RPS6KA3: variants seen among roughly 807,000 people sequenced by gnomAD.
RPS6KA3 encodes ribosomal protein S6 kinase A3, also known as ribosomal protein S6 kinase alpha-3.
Under a neutral mutation model 67.2 loss-of-function variants are expected in RPS6KA3, and 4 were observed. The ratio of observed to expected loss-of-function variants is 0.06; its 90% confidence interval spans 0.03 to 0.14. RPS6KA3 has a LOEUF of 0.14. Ranked by LOEUF, RPS6KA3 falls within the 10% of genes least tolerant of loss-of-function variation. The pLI, the probability that RPS6KA3 is intolerant of heterozygous loss-of-function variation, is 1.00. For synonymous variants in RPS6KA3, 182 were observed against 183.7 expected (o/e 0.99, Z 0.07); for missense variants, 204 against 559.0 (o/e 0.36, Z 6.40).
chrX:20,237,400 TG>T (rs1416415425), intron 1 of RPS6KA3, among the ~76,000 whole-genome samples: 2 of 111,996 alleles, frequency 1.8e-5, no homozygotes, highest in African/African-American at 6.5e-5. Context: ...AAGAACCATC[TG>T]TTCCCTGCAA....
chrX:20,257,535 C>T (rs954498188), intron 1 of RPS6KA3, among the ~76,000 whole-genome samples: 8 of 112,147 alleles, frequency 7.1e-5, no homozygotes, highest in Non-Finnish European at 1.3e-4. Context: ...TCTGCCTGAA[C>T]AGGTCTCAAT....
chrX:20,266,982 A>ACAG (rs2070416445), upstream of RPS6KA3: 1 of 749,990 alleles, frequency 1.3e-6, no homozygotes, highest in African/African-American at 2.3e-5. Context: ...TCCCAGCAGA[A>ACAG]CAGCGACCGC....
chrX:20,184,429 C>T (rs759079422), intron 10 of RPS6KA3, among the ~76,000 whole-genome samples: 4 of 98,177 alleles, frequency 4.1e-5, no homozygotes, highest in South Asian at 5.1e-4. Flanking sequence ...GACAGGGTCT[C>T]GCTCTTCACT....
intron 2 of RPS6KA3, 147 bp downstream of exon 2, chrX:20,234,611 C>T (rs765717553): frequency 2.1e-6 from 1 of 466,340 alleles, no homozygotes; most frequent in Non-Finnish European, 3.8e-6. Flanking sequence ...CCCTGGCATA[C>T]TCAATAATGT....
At chrX:20,227,478 GAA>G (rs1423750110) in intron 2 of RPS6KA3, among the ~76,000 whole-genome samples, 1 of 111,255 alleles carries the variant, frequency 9.0e-6, no homozygotes, top group African/African-American at 3.3e-5. Context: ...TTTTGATGCT[GAA>G]AAGTCTAATA....
In RPS6KA3 at chrX:20,218,365, T is replaced by C. The variant is rs755713278; in HGVS notation, c.127-8961A>G. On this transcript the variant is annotated intron_variant, in intron 2 of 21. Coordinates refer to ENST00000379565, the MANE Select transcript of RPS6KA3 (RefSeq NM_004586.3). ...GGAACCAATTTCCACCAAAATGTGA[T>C]TTTAAGTTATTGACTGCTTAAAATA... Among the ~76,000 whole-genome samples, 105 of 112,049 alleles carry C rather than the reference T, an allele frequency of 9.4e-4. 1 individual carries two copies. Among genetic ancestry groups the C allele is most frequent in the Middle Eastern group, 9.3e-3 (2 of 215 alleles).
intron 2 of RPS6KA3, among the ~76,000 whole-genome samples, chrX:20,225,238 T>TG (rs1035985106): frequency 3.2e-5 from 3 of 92,464 alleles, no homozygotes; most frequent in African/African-American, 1.3e-4. Context: ...AGGTTTTTTT[T>TG]TTTTGTTTTT....
chrX:20,252,397 C>G (rs1031277634), intron 1 of RPS6KA3, among the ~76,000 whole-genome samples: 3 of 110,374 alleles, frequency 2.7e-5, no homozygotes, highest in Admixed American at 9.6e-5. Context: ...TTATAGGACT[C>G]TTTCCTATTT....
At chrX:20,213,594 T>C (rs980799867) in intron 2 of RPS6KA3, among the ~76,000 whole-genome samples, 2 of 111,295 alleles carry the variant, frequency 1.8e-5, no homozygotes, top group African/African-American at 6.5e-5. Flanking sequence ...CTATTAATTT[T>C]AAGAAAATTA....
intron 1 of RPS6KA3, among the ~76,000 whole-genome samples, chrX:20,243,179 C>T (rs1359615905): frequency 1.8e-5 from 2 of 111,577 alleles, no homozygotes; most frequent in Non-Finnish European, 3.8e-5. Context: ...ATTGAGTACA[C>T]ACAGTAAAAA....
In RPS6KA3 at chrX:20,266,853, CCG is replaced by C. The variant is rs1271146380; in HGVS notation, c.-223_-222del. Reference sequence around the variant, plus strand: ...AAGCCGCGCGCCTGGCCAGAGACGCCCGCGCGCTGAGCGAGAGCCTCGCGCCT... The same window carrying C: ...AAGCCGCGCGCCTGGCCAGAGACGCCCGCGCTGAGCGAGAGCCTCGCGCCT... On this transcript the variant is annotated 5_prime_UTR_variant, in exon 1 of 22. Coordinates refer to ENST00000379565, the MANE Select transcript of RPS6KA3 (RefSeq NM_004586.3). The C allele has an allele frequency of 1.8e-4, 78 of 430,911 alleles. No homozygotes were observed. Among genetic ancestry groups the C allele is most frequent in the Non-Finnish European group, 2.0e-4 (69 of 344,760 alleles). The allele number at this position is 430,911 out of a possible 1,213,427, so 35.5% of individuals were successfully genotyped here.
intron 4 of RPS6KA3, among the ~76,000 whole-genome samples, chrX:20,199,414 C>A (rs1292821895): frequency 1.8e-5 from 2 of 109,865 alleles, no homozygotes; most frequent in Admixed American, 1.9e-4. Context: ...AATCAGAGAA[C>A]AAGAAAATCT....
rs1162832350 is a variant in RPS6KA3 at position 20,153,415 on chromosome X, G to A, written c.*1983C>T. 2.7e-5 allele frequency: 3 copies of A among 111,623 alleles called. No homozygotes were observed. The highest frequency in any genetic ancestry group is 5.6e-5 in the Non-Finnish European group (3 of 53,149). 9.2% of individuals were successfully genotyped at this position (111,623 alleles called of 1,213,427 possible). On this transcript the variant is annotated 3_prime_UTR_variant, in exon 22 of 22. Coordinates refer to ENST00000379565, the MANE Select transcript of RPS6KA3 (RefSeq NM_004586.3). ...TTTGTGTCACTTGGGCAAAAGAAATGTTATAGATTTCCCCTTTCTCTTTAA... is the reference window on the plus strand; with the variant it reads ...TTTGTGTCACTTGGGCAAAAGAAATATTATAGATTTCCCCTTTCTCTTTAA...
At chrX:20,193,645 T>G (rs1449595663) in intron 6 of RPS6KA3, 52 bp from the exon 7 acceptor site, 2 of 778,685 alleles carry the variant, frequency 2.6e-6, no homozygotes, top group East Asian at 3.5e-5. Context: ...GTGTCTGTAA[T>G]TTTTAAAGTT....
intron 4 of RPS6KA3, among the ~76,000 whole-genome samples, chrX:20,201,980 T>C (rs1156682865): frequency 1.1e-4 from 11 of 99,651 alleles, no homozygotes; most frequent in East Asian, 3.0e-4. Context: ...TTTTTTCTTT[T>C]TTTTTTTTTT....
At chrX:20,210,369 T>G (rs868485805) in intron 2 of RPS6KA3, among the ~76,000 whole-genome samples, 1 of 112,200 alleles carries the variant, frequency 8.9e-6, no homozygotes, top group Non-Finnish European at 1.9e-5. Flanking sequence ...TGTTATTTTT[T>G]TCTAGGTGCG....
At chrX:20,203,820 A>G in intron 4 of RPS6KA3, 1 of 397,183 alleles carries the variant, frequency 2.5e-6, no homozygotes, top group East Asian at 3.9e-5. Flanking sequence ...TACGTCTTTT[A>G]TAACGTGGCA....
rs1019659903 is a variant in RPS6KA3 at position 20,180,008 on chromosome X, G to A, written c.846-2924C>T. Among the ~76,000 whole-genome samples, 4 of 110,884 alleles carry A rather than the reference G, an allele frequency of 3.6e-5. No homozygotes were observed. In the East Asian group the frequency reaches 8.4e-4, roughly 23 times the overall value. Reference sequence around the variant, plus strand: ...AGATGCTGAGGCAGGAGGATCGTTTGAGCCCAGGAGTTTGATGTTGCAGTG... The same window carrying A: ...AGATGCTGAGGCAGGAGGATCGTTTAAGCCCAGGAGTTTGATGTTGCAGTG... On this transcript the variant is annotated intron_variant, in intron 10 of 21. Transcript: ENST00000379565.
intron 10 of RPS6KA3, among the ~76,000 whole-genome samples, chrX:20,185,786 T>C (rs1263314645): frequency 8.9e-6 from 1 of 111,808 alleles, no homozygotes; most frequent in Non-Finnish European, 1.9e-5. Context: ...AAAGTAAAGC[T>C]TTCAGTATTT....
Sources: allele counts gnomAD v4.1 joint callset (sites outside exome capture counted in the v4.1 genomes callset), GRCh38; gene constraint gnomAD v4.1.1; transcripts MANE v1.5; gene names NCBI Gene and HGNC (gene_info 2026-07-23, HGNC 2026-07-21).